RAB38: variants seen among roughly 807,000 people sequenced by gnomAD.
RAB38 encodes the protein RAB38, member RAS oncogene family.
RAB38 carries 15 observed loss-of-function variants against 18.4 expected under a neutral mutation model. That is an observed-to-expected ratio of 0.82 (90% confidence interval 0.55 to 1.26). The LOEUF is 1.26. Among genes scored for constraint, RAB38 ranks in the 50% most tolerant of loss-of-function variants. The pLI is 0.00. For synonymous variants in RAB38, 101 were observed against 104.4 expected, an observed-to-expected ratio of 0.97 and a Z score of 0.20; for missense variants, 294 against 267.4, an observed-to-expected ratio of 1.10 and a Z score of -0.69.
chr11:88,157,990 T>C (rs1943146316), intron 1 of RAB38, among the ~76,000 whole-genome samples: 2 of 151,776 alleles, frequency 1.3e-5, no homozygotes, highest in Non-Finnish European at 2.9e-5. Context: ...TGAAAGCAAA[T>C]GTCGGTTCTT....
At chr11:88,016,752 G>T in the RAB38 span, among the ~76,000 whole-genome samples, 1 of 152,148 alleles carries the variant, frequency 6.6e-6, no homozygotes, top group South Asian at 2.1e-4. Context: ...CTTAAACTCA[G>T]CAAAGAAAAC....
At chr11:87,875,635 A>T in the RAB38 span, among the ~76,000 whole-genome samples, 8 of 151,180 alleles carry the variant, frequency 5.3e-5, no homozygotes, top group African/African-American at 1.9e-4. Flanking sequence ...ATTTTCTTAA[A>T]TTTTTCTAGT....
At chr11:87,952,868 T>TATCA in the RAB38 span, among the ~76,000 whole-genome samples, 1 of 151,296 alleles carries the variant, frequency 6.6e-6, no homozygotes. Context: ...AAAGGAAAAC[T>TATCA]ATCAATCAAT....
chr11:87,890,996 A>T, the RAB38 span, among the ~76,000 whole-genome samples: 1 of 151,858 alleles, frequency 6.6e-6, no homozygotes, highest in Non-Finnish European at 1.5e-5. Context: ...GGCCATGTGT[A>T]CCTGCATAGG....
the RAB38 span, among the ~76,000 whole-genome samples, chr11:87,823,686 C>T: frequency 7.9e-5 from 12 of 151,972 alleles, no homozygotes; most frequent in Middle Eastern, 3.4e-3. Context: ...ACAAATGGAA[C>T]GCAAATGGTC....
chr11:88,009,924 G>A, the RAB38 span, among the ~76,000 whole-genome samples: 4 of 152,190 alleles, frequency 2.6e-5, no homozygotes, highest in South Asian at 2.1e-4. Flanking sequence ...CTATACATAA[G>A]TGAGATATCT....
the RAB38 span, among the ~76,000 whole-genome samples, chr11:87,851,905 A>G: frequency 1.3e-5 from 2 of 152,164 alleles, no homozygotes; most frequent in Admixed American, 1.3e-4. Flanking sequence ...TTAACAGGAG[A>G]AAAACATACA....
chr11:88,159,885 A>G (rs1375095460), intron 1 of RAB38, among the ~76,000 whole-genome samples: 1 of 152,034 alleles, frequency 6.6e-6, no homozygotes, highest in Non-Finnish European at 1.5e-5. Flanking sequence ...CCTAGAAGAA[A>G]ACCTAGGAAA....
intron 2 of RAB38, among the ~76,000 whole-genome samples, chr11:88,135,273 T>C (rs1942822123): frequency 6.6e-6 from 1 of 152,178 alleles, no homozygotes; most frequent in Non-Finnish European, 1.5e-5. Context: ...AAACTATATA[T>C]TACGTTTATT....
At chr11:87,835,501 CA>C in the RAB38 span, among the ~76,000 whole-genome samples, 2 of 152,170 alleles carry the variant, frequency 1.3e-5, no homozygotes, top group African/African-American at 4.8e-5. Flanking sequence ...CGCTTCCCCC[CA>C]CTGAAGTTCT....
the RAB38 span, among the ~76,000 whole-genome samples, chr11:87,947,159 T>C: frequency 6.6e-6 from 1 of 152,194 alleles, no homozygotes; most frequent in Non-Finnish European, 1.5e-5. Flanking sequence ...GAGTATTTTT[T>C]CATGTGTTTT....
chr11:88,006,594 AAT>A, the RAB38 span, among the ~76,000 whole-genome samples: 1 of 140,226 alleles, frequency 7.1e-6, no homozygotes. Context: ...ATATGTATAT[AAT>A]ATATATACAC....
At chr11:87,803,810 G>A in the RAB38 span, among the ~76,000 whole-genome samples, 3 of 152,180 alleles carry the variant, frequency 2.0e-5, no homozygotes, top group Non-Finnish European at 2.9e-5. Context: ...AAAAGGAGAA[G>A]ATGGAAGGAA....
chr11:88,150,232 A>T (rs904286829), intron 1 of RAB38, among the ~76,000 whole-genome samples: 8 of 152,220 alleles, frequency 5.3e-5, no homozygotes, highest in African/African-American at 1.9e-4. Context: ...CAGTAGCCAC[A>T]TATGGCTATT....
chr11:88,019,438 T>C, the RAB38 span, among the ~76,000 whole-genome samples: 1 of 152,230 alleles, frequency 6.6e-6, no homozygotes, highest in African/African-American at 2.4e-5. Flanking sequence ...GCATAATGGT[T>C]GCCAGGACCC....
At chr11:87,863,287 A>AG in the RAB38 span, among the ~76,000 whole-genome samples, 2 of 151,864 alleles carry the variant, frequency 1.3e-5, no homozygotes, top group East Asian at 1.9e-4. Flanking sequence ...TGCTTTTATA[A>AG]GGGGGAGAGA....
At chr11:87,853,395 T>C in the RAB38 span, among the ~76,000 whole-genome samples, 5 of 152,132 alleles carry the variant, frequency 3.3e-5, no homozygotes, top group Non-Finnish European at 2.9e-5. Context: ...TTCTCCACCA[T>C]GGGAGAACAC....
At chr11:87,842,091 G>A in the RAB38 span, among the ~76,000 whole-genome samples, 13 of 152,076 alleles carry the variant, frequency 8.5e-5, no homozygotes, top group Non-Finnish European at 1.8e-4. Flanking sequence ...TGACATTTTT[G>A]CCATCAAAGT....
chr11:88,058,881 A>G, the RAB38 span, among the ~76,000 whole-genome samples: 1 of 152,192 alleles, frequency 6.6e-6, no homozygotes, highest in South Asian at 2.1e-4. Context: ...TTGGGCTTCC[A>G]AAAATATGTG....
Sources: allele counts gnomAD v4.1 joint callset (sites outside exome capture counted in the v4.1 genomes callset), GRCh38; gene constraint gnomAD v4.1.1; transcripts MANE v1.5; gene names NCBI Gene and HGNC (gene_info 2026-07-23, HGNC 2026-07-21).